FILIP1L: variants seen among roughly 807,000 people sequenced by gnomAD.
FILIP1L encodes the protein filamin A interacting protein 1 like.
A neutral mutation model predicts 96.6 loss-of-function variants in FILIP1L; 55 were observed. That is an observed-to-expected ratio of 0.57 (90% CI 0.46 to 0.71). The LOEUF (loss-of-function observed/expected upper bound fraction) is 0.71. FILIP1L is among the 30% of genes least tolerant of loss of function. The pLI, the probability that FILIP1L is intolerant of heterozygous loss-of-function variation, is 0.00. For synonymous variants in FILIP1L, 467 were observed against 473.9 expected (o/e 0.99, Z 0.19); for missense variants, 1,304 against 1,321.2 (o/e 0.99, Z 0.20).
intron 1 of FILIP1L, among the ~76,000 whole-genome samples, chr3:100,017,514 TAGTAACCAA>T (rs764183444): frequency 3.9e-5 from 6 of 152,212 alleles, no homozygotes; most frequent in Non-Finnish European, 7.3e-5. Context: ...GTAAGCACCA[TAGTAACCAA>T]AGAGTGAAAT....
chr3:99,916,182 G>C (rs1177647605), intron 4 of FILIP1L, among the ~76,000 whole-genome samples: 2 of 152,176 alleles, frequency 1.3e-5, no homozygotes, highest in African/African-American at 2.4e-5. Flanking sequence ...TTGAGAGCCA[G>C]AATGGAACAG....
intron 4 of FILIP1L, among the ~76,000 whole-genome samples, chr3:99,860,590 T>C (rs1278023620): frequency 6.6e-6 from 1 of 152,162 alleles, no homozygotes; most frequent in African/African-American, 2.4e-5. Context: ...GTTAGGCAGC[T>C]ACAAGGAGAA....
chr3:99,838,257 C>T (rs1170119856), intron 5 of FILIP1L, among the ~76,000 whole-genome samples: 1 of 152,226 alleles, frequency 6.6e-6, no homozygotes, highest in East Asian at 1.9e-4. Context: ...TTCCCCGTGC[C>T]TGCCCATTTG....
At position 100,029,532 on chromosome 3, in the gene FILIP1L, C is replaced by T. The variant is rs76522319; in HGVS notation, c.-11+84521G>A. Reference sequence around the variant, plus strand: ...ATAGCCTATATATACATAGACCATACCAGTGTGCATTAATTGGAGTTTATT... The same window carrying T: ...ATAGCCTATATATACATAGACCATATCAGTGTGCATTAATTGGAGTTTATT... On this transcript the variant is annotated intron_variant, in intron 1 of 5. Transcript: ENST00000477258. Among the ~76,000 whole-genome samples the T allele has an allele frequency of 2.7e-3, 416 of 152,182 alleles. 2 individuals are homozygous for T. The highest frequency in any genetic ancestry group is 9.5e-3 in the African/African-American group (396 of 41,530).
chr3:100,108,111 A>G (rs1183657656), intron 1 of FILIP1L, among the ~76,000 whole-genome samples: 1 of 152,158 alleles, frequency 6.6e-6, no homozygotes, highest in Non-Finnish European at 1.5e-5. Flanking sequence ...CAAAGAAAAT[A>G]CATGATTCAA....
chr3:99,994,291 G>T (rs894950543), intron 1 of FILIP1L, among the ~76,000 whole-genome samples: 2 of 152,148 alleles, frequency 1.3e-5, no homozygotes, highest in Non-Finnish European at 2.9e-5. Flanking sequence ...AATAGTAGGG[G>T]ACTTTATTGT....
At position 99,848,382 on chromosome 3, in the gene FILIP1L, C is replaced by G; in HGVS notation, c.3294G>C (p.Gly1098=). The change falls in exon 5 of 6, where the codon GGG becomes GGC. Residue 1098 remains glycine, a synonymous_variant. Coordinates refer to ENST00000477258, the MANE Select transcript of FILIP1L (RefSeq NM_001387850.1). ...QDNRTQGLIN[G]ALNKTTNKVT... is the part of the protein sequence containing the mutation. The stretch of plus-strand genomic sequence containing the variant: ...CTTTATTGGTTGTTTTGTTTAGTGC[C>G]CCGTTAATTAAGCCTTGAGTTCGGT... The G allele has an allele frequency of 6.2e-7, 1 of 1,614,046 alleles. No individual in the cohort carries two copies. The highest frequency in any genetic ancestry group is 8.5e-7 in the Non-Finnish European group (1 of 1,180,002).
rs540004496 is a variant in FILIP1L, at chr3:99,903,079, C to T, written c.605+21151G>A. 4.6e-5 allele frequency among the ~76,000 whole-genome samples: 7 copies of T among 152,098 alleles called. No individual in the cohort carries two copies. The South Asian group carries it at 1.5e-3, about 32-fold the overall frequency. On this transcript the variant is annotated intron_variant, in intron 4 of 5. Coordinates refer to ENST00000477258, the MANE Select transcript of FILIP1L (RefSeq NM_001387850.1). ...ATTTATACTTTTGTGTCCCTAGGTA[C>T]CTTATTTATCATCTCAGGCCTCAGT... is the stretch of plus-strand genomic sequence containing the variant.
chr3:99,870,974 G>A (rs1027091446), intron 4 of FILIP1L, among the ~76,000 whole-genome samples: 2 of 152,090 alleles, frequency 1.3e-5, no homozygotes, highest in African/African-American at 2.4e-5. Context: ...CCATGCCCCC[G>A]GGTGACTCAC....
In FILIP1L at chr3:99,983,288, C is replaced by G. The variant is rs1428875219; in HGVS notation, c.-10-52258G>C. Reference sequence around the variant, plus strand: ...GTGACTCATGCCTGTAATCCTAACACTTTGGGAGGCCAAGGCAGGCGGATC... The same window carrying G: ...GTGACTCATGCCTGTAATCCTAACAGTTTGGGAGGCCAAGGCAGGCGGATC... On this transcript the variant is annotated intron_variant, in intron 1 of 5. Coordinates refer to ENST00000477258, the MANE Select transcript of FILIP1L (RefSeq NM_001387850.1). Among the ~76,000 whole-genome samples, 5 of 150,406 alleles carry G rather than the reference C, an allele frequency of 3.3e-5. No individual in the cohort carries two copies. In the East Asian group the frequency reaches 9.7e-4, roughly 29 times the overall value.
At chr3:99,906,819 A>C (rs2107634076) in intron 4 of FILIP1L, among the ~76,000 whole-genome samples, 1 of 152,250 alleles carries the variant, frequency 6.6e-6, no homozygotes, top group African/African-American at 2.4e-5. Context: ...CCTAACTTGA[A>C]AGCAAGACAC....
intron 1 of FILIP1L, among the ~76,000 whole-genome samples, chr3:100,095,641 T>C (rs1391921100): frequency 6.6e-6 from 1 of 152,096 alleles, no homozygotes; most frequent in African/African-American, 2.4e-5. Flanking sequence ...AAGACTTAAA[T>C]ATATAAGACT....
intron 1 of FILIP1L, among the ~76,000 whole-genome samples, chr3:99,938,073 G>GTGTGTA (rs1707740362): frequency 2.1e-5 from 1 of 47,716 alleles, no homozygotes; most frequent in Non-Finnish European, 4.3e-5. Context: ...GTGTGTGTGT[G>GTGTGTA]TGCGCGCGCG....
chr3:100,021,948 TGTGTGTGTGTGTGAGA>T (rs1192102010), intron 1 of FILIP1L, among the ~76,000 whole-genome samples: 3 of 129,658 alleles, frequency 2.3e-5, no homozygotes, highest in Non-Finnish European at 3.4e-5. Flanking sequence ...TGTGTGTGTG[TGTGTGTGTGTGTGAGA>T]GAGAGAGAGA....
In FILIP1L at chr3:99,829,086, T is replaced by C. The variant is rs1388838975; in HGVS notation, c.*1328A>G. Among the ~76,000 whole-genome samples, 1 of 152,128 alleles carries C rather than the reference T, an allele frequency of 6.6e-6. No individual in the cohort carries two copies. The highest frequency in any genetic ancestry group is 1.5e-5 in the Non-Finnish European group (1 of 68,024). The stretch of plus-strand genomic sequence containing the variant: ...GACTTAGTTAGATAAGTATGGGGAA[T>C]GGGAGTTCCTTTACTCTTGCTCTGC... On this transcript the variant is annotated 3_prime_UTR_variant, in exon 6 of 6. Transcript: ENST00000477258.
chr3:100,021,800 C>G (rs2064822233), intron 1 of FILIP1L, among the ~76,000 whole-genome samples: 1 of 152,030 alleles, frequency 6.6e-6, no homozygotes, highest in Non-Finnish European at 1.5e-5. Flanking sequence ...TTAGATATCC[C>G]CTAAATGATT....
At chr3:99,943,667 G>GCACAA (rs1395122350) in intron 1 of FILIP1L, among the ~76,000 whole-genome samples, 2 of 151,976 alleles carry the variant, frequency 1.3e-5, no homozygotes, top group Non-Finnish European at 2.9e-5. Flanking sequence ...TCACGCCACT[G>GCACAA]CACTCCAGCC....
intron 1 of FILIP1L, among the ~76,000 whole-genome samples, chr3:99,990,714 A>G (rs1044671160): frequency 2.0e-5 from 3 of 152,154 alleles, no homozygotes; most frequent in African/African-American, 7.2e-5. Context: ...TTGAAAACCC[A>G]TTTCCTATCA....
intron 4 of FILIP1L, among the ~76,000 whole-genome samples, chr3:99,879,090 A>G (rs1031128941): frequency 2.0e-5 from 3 of 152,248 alleles, no homozygotes; most frequent in Admixed American, 6.5e-5. Flanking sequence ...ATTTACTACA[A>G]ATAAGCATAC....
Sources: allele counts gnomAD v4.1 joint callset (sites outside exome capture counted in the v4.1 genomes callset), GRCh38; gene constraint gnomAD v4.1.1; transcripts MANE v1.5; gene names NCBI Gene and HGNC (gene_info 2026-07-23, HGNC 2026-07-21).